Variants in STXBP4 observed in about 807,000 individuals in gnomAD.
The protein encoded by STXBP4 is syntaxin binding protein 4.
STXBP4 carries 55 observed loss-of-function variants against 76.1 expected under a neutral mutation model. The observed-to-expected ratio is 0.72, with a 90% confidence interval of 0.58 to 0.91. The LOEUF (loss-of-function observed/expected upper bound fraction) is 0.91. Among genes scored for constraint, STXBP4 ranks in the 40% least tolerant of loss-of-function variants. STXBP4 has a pLI of 0.00. For missense variants in STXBP4, 618 were observed against 636.9 expected (o/e 0.97, Z 0.32); for synonymous variants, 201 against 220.2 (o/e 0.91, Z 0.77).
intron 17 of STXBP4, among the ~76,000 whole-genome samples, chr17:55,155,065 A>G (rs183893461): frequency 3.2e-4 from 49 of 152,230 alleles, no homozygotes; most frequent in Admixed American, 2.9e-3. Flanking sequence ...TACAAAGTTC[A>G]CTAATGAGAA....
rs2080388746 is a variant in STXBP4, at chr17:55,168,355, A to G, written c.*8444A>G. The G allele has an allele frequency of 6.6e-6, 1 of 152,110 alleles. No individual in the cohort carries two copies. The highest frequency in any genetic ancestry group is 2.4e-5 in the African/African-American group (1 of 41,418). 9.4% of individuals were successfully genotyped at this position (152,110 alleles called of 1,614,324 possible). On this transcript the variant is annotated 3_prime_UTR_variant, in exon 18 of 18. Transcript: ENST00000376352. Reference sequence around the variant, plus strand: ...TGGTGGTTCCTCATTTACCAGTAGAACTCTCTCTACAAATGGAAAGTGAGA... The same window carrying G: ...TGGTGGTTCCTCATTTACCAGTAGAGCTCTCTCTACAAATGGAAAGTGAGA...
At chr17:54,973,464 A>G (rs1022014093) in intron 1 of STXBP4, among the ~76,000 whole-genome samples, 2 of 152,250 alleles carry the variant, frequency 1.3e-5, no homozygotes, top group African/African-American at 2.4e-5. Context: ...CAAACAGCTT[A>G]GACAGAGTTG....
chr17:55,177,516 A>G (rs1667834215), downstream of STXBP4, among the ~76,000 whole-genome samples: 1 of 152,214 alleles, frequency 6.6e-6, no homozygotes, highest in Admixed American at 6.5e-5. Flanking sequence ...TCCCAAGGAA[A>G]TCTGTGTAGT....
At chr17:55,147,619 T>C (rs2080171792) in intron 17 of STXBP4, among the ~76,000 whole-genome samples, 1 of 152,258 alleles carries the variant, frequency 6.6e-6, no homozygotes, top group African/African-American at 2.4e-5. Flanking sequence ...AAATCTGATA[T>C]ATTGTTCCTC....
intron 9 of STXBP4, among the ~76,000 whole-genome samples, chr17:55,032,360 A>G (rs553216995): frequency 6.6e-6 from 1 of 152,192 alleles, no homozygotes; most frequent in Non-Finnish European, 1.5e-5. Flanking sequence ...AAAAACACAT[A>G]CAAGTAAAAT....
chr17:55,066,255 G>A (rs905866415), intron 12 of STXBP4, among the ~76,000 whole-genome samples: 3 of 151,500 alleles, frequency 2.0e-5, no homozygotes, highest in Non-Finnish European at 2.9e-5. Flanking sequence ...ACAGAGTCTC[G>A]CTGTGTCACC....
rs150219668 is a variant in STXBP4, at chr17:55,061,771, T to C, written c.1012-11129T>C. 9.2e-3 allele frequency among the ~76,000 whole-genome samples: 1,403 copies of C among 152,350 alleles called. 10 individuals carry two copies. The highest frequency in any genetic ancestry group is 0.014 in the Non-Finnish European group (943 of 68,026). On this transcript the variant is annotated intron_variant, in intron 12 of 17. Coordinates refer to ENST00000376352, the MANE Select transcript of STXBP4 (RefSeq NM_178509.6). ...GGGATTGGTTCTTTTTACTCAGCAA[T>C]AATTCCCTTGGGATTCGTCTAGATT...
intron 17 of STXBP4, among the ~76,000 whole-genome samples, chr17:55,150,172 A>G (rs982612965): frequency 6.6e-6 from 1 of 152,194 alleles, no homozygotes; most frequent in African/African-American, 2.4e-5. Flanking sequence ...TGGTTGCTGT[A>G]TTAGTCTGCT....
At chr17:55,025,006 T>G (rs78781855) in intron 8 of STXBP4, among the ~76,000 whole-genome samples, 31,168 of 151,610 alleles carry the variant, frequency 0.21, 3,346 homozygotes, top group Middle Eastern at 0.34. Context: ...CCGGGCATGG[T>G]GGCGGGTGCC....
intron 10 of STXBP4, among the ~76,000 whole-genome samples, chr17:55,037,789 A>T (rs1241382812): frequency 1.3e-5 from 2 of 152,150 alleles, no homozygotes; most frequent in Non-Finnish European, 2.9e-5. Context: ...CTTATTTAAT[A>T]TTCACTTGTA....
At chr17:55,035,375 A>G (rs1283579674) in intron 10 of STXBP4, among the ~76,000 whole-genome samples, 1 of 151,916 alleles carries the variant, frequency 6.6e-6, no homozygotes, top group Non-Finnish European at 1.5e-5. Context: ...CATCTATTTC[A>G]AAGAAAATTC....
intron 12 of STXBP4, among the ~76,000 whole-genome samples, chr17:55,071,795 C>T (rs909600220): frequency 7.2e-5 from 11 of 152,176 alleles, no homozygotes; most frequent in Non-Finnish European, 1.5e-4. Context: ...CAAACAAAAG[C>T]AAATGTCCCT....
chr17:55,208,820 G>C, the STXBP4 span, among the ~76,000 whole-genome samples: 2 of 152,054 alleles, frequency 1.3e-5, no homozygotes, highest in African/African-American at 4.8e-5. Flanking sequence ...GGTGACTTAC[G>C]CCTGTAATTC....
At chr17:55,207,724 C>T in the STXBP4 span, among the ~76,000 whole-genome samples, 2 of 152,186 alleles carry the variant, frequency 1.3e-5, no homozygotes, top group Non-Finnish European at 2.9e-5. Flanking sequence ...GACTGCAAAT[C>T]TGAAACAATA....
intron 16 of STXBP4, among the ~76,000 whole-genome samples, chr17:55,098,572 A>G (rs1489193344): frequency 6.6e-6 from 1 of 152,182 alleles, no homozygotes; most frequent in Admixed American, 6.5e-5. Flanking sequence ...AGTGTTCCAG[A>G]CAGAGGGAAC....
At chr17:55,207,162 T>A in the STXBP4 span, among the ~76,000 whole-genome samples, 2 of 152,142 alleles carry the variant, frequency 1.3e-5, no homozygotes, top group East Asian at 3.9e-4. Flanking sequence ...CGCATGACGC[T>A]CACACATTCT....
chr17:55,081,681 A>G (rs779199549), intron 16 of STXBP4, among the ~76,000 whole-genome samples: 1 of 152,160 alleles, frequency 6.6e-6, no homozygotes, highest in East Asian at 1.9e-4. Context: ...CAGCAGGGTA[A>G]TTAATTAAAT....
chr17:55,108,800 C>T (rs1179388013), intron 16 of STXBP4, among the ~76,000 whole-genome samples: 1 of 152,188 alleles, frequency 6.6e-6, no homozygotes, highest in Non-Finnish European at 1.5e-5. Context: ...CAGAAATCAC[C>T]TGCCTTCTGC....
At position 55,000,137 on chromosome 17, in the gene STXBP4, G is replaced by T. The variant is rs992904950; in HGVS notation, c.498+295G>T. On this transcript the variant is annotated intron_variant, in intron 6 of 17. Coordinates refer to ENST00000376352, the MANE Select transcript of STXBP4 (RefSeq NM_178509.6). ...AAACTATGTTAAGAATGTCATATTT[G>T]GTTTCAGTTGGTTTAGTTATTTGCC... The T allele has an allele frequency of 1.2e-5, 9 of 776,906 alleles. No individual in the cohort carries two copies. The South Asian group carries it at 3.5e-4, about 31-fold the overall frequency. 48.1% of individuals were successfully genotyped at this position (776,906 alleles called of 1,614,324 possible).
Sources: gnomAD v4.1 joint callset for allele counts (sites outside exome capture counted in the v4.1 genomes callset) on GRCh38, gnomAD v4.1.1 for gene constraint, MANE v1.5 for transcripts, NCBI Gene and HGNC (gene_info 2026-07-23, HGNC 2026-07-21) for gene names.